The following RBFOX1 variants were observed in gnomAD, a reference collection of about 807,000 sequenced individuals.
RBFOX1 encodes the protein RNA binding fox-1 homolog 1.
Under a neutral mutation model 57.7 loss-of-function variants are expected in RBFOX1, and 8 were observed. That is an observed-to-expected ratio of 0.14 (90% confidence interval 0.08 to 0.25). The LOEUF is 0.25. Among genes scored for constraint, RBFOX1 ranks in the 10% least tolerant of loss-of-function variants. The pLI is 1.00. For synonymous variants in RBFOX1, 326 were observed against 222.4 expected (o/e 1.47, Z -4.15); for missense variants, 611 against 548.5 (o/e 1.11, Z -1.14).
At chr16:7,378,223 T>C (rs1380137662) in intron 4 of RBFOX1, among the ~76,000 whole-genome samples, 1 of 152,166 alleles carries the variant, frequency 6.6e-6, no homozygotes, top group African/African-American at 2.4e-5. Context: ...GCGATGAGTG[T>C]GTACACAAAC....
chr16:6,366,120 T>C (rs2089569520), intron 2 of RBFOX1, among the ~76,000 whole-genome samples: 1 of 151,502 alleles, frequency 6.6e-6, no homozygotes, highest in African/African-American at 2.4e-5. Flanking sequence ...TGTGTGTGTG[T>C]GTGTCTGCCT....
chr16:7,252,135 A>G (rs1360278527), intron 4 of RBFOX1, among the ~76,000 whole-genome samples: 1 of 152,218 alleles, frequency 6.6e-6, no homozygotes, highest in Non-Finnish European at 1.5e-5. Flanking sequence ...TCAGAATTGC[A>G]GGTAGAGCCT....
In RBFOX1 at chr16:6,692,987, C is replaced by T. The variant is rs149057840; in HGVS notation, c.-16+38337C>T. On this transcript the variant is annotated intron_variant, in intron 3 of 15. Coordinates refer to ENST00000550418, the MANE Select transcript of RBFOX1 (RefSeq NM_018723.4). ...CCATCACCGGCATCATTATCACCAT[C>T]GTTCTCCTCCACTACCATCACAACC... 3.3e-3 allele frequency among the ~76,000 whole-genome samples: 505 copies of T among 151,608 alleles called. 2 individuals are homozygous for T. Among genetic ancestry groups the T allele is most frequent in the Middle Eastern group, 0.024 (7 of 294 alleles).
At chr16:7,310,481 C>T (rs1212751067) in intron 4 of RBFOX1, among the ~76,000 whole-genome samples, 1 of 152,148 alleles carries the variant, frequency 6.6e-6, no homozygotes, top group Non-Finnish European at 1.5e-5. Flanking sequence ...CTGACGTTAA[C>T]TGTGGAGCAC....
At chr16:7,417,043 A>G (rs1378932433) in intron 4 of RBFOX1, among the ~76,000 whole-genome samples, 1 of 151,984 alleles carries the variant, frequency 6.6e-6, no homozygotes, top group Non-Finnish European at 1.5e-5. Flanking sequence ...TAAATGATTG[A>G]GTTCATTGTT....
intron 2 of RBFOX1, among the ~76,000 whole-genome samples, chr16:5,510,971 C>T (rs1348343129): frequency 2.0e-5 from 3 of 152,164 alleles, no homozygotes; most frequent in Admixed American, 2.0e-4. Flanking sequence ...TTGTATAATC[C>T]ACATGACTAT....
chr16:6,973,381 A>C (rs542576029), intron 3 of RBFOX1, among the ~76,000 whole-genome samples: 1 of 152,218 alleles, frequency 6.6e-6, no homozygotes, highest in East Asian at 1.9e-4. Flanking sequence ...AGATAATTCA[A>C]CTATAAGAGA....
At chr16:5,547,697 T>C (rs962500912) in intron 2 of RBFOX1, among the ~76,000 whole-genome samples, 1 of 152,112 alleles carries the variant, frequency 6.6e-6, no homozygotes, top group Non-Finnish European at 1.5e-5. Flanking sequence ...ATGTACACAA[T>C]GGAATACTAC....
At chr16:7,693,007 T>C (rs1050571677) in intron 14 of RBFOX1, among the ~76,000 whole-genome samples, 1 of 152,208 alleles carries the variant, frequency 6.6e-6, no homozygotes, top group Non-Finnish European at 1.5e-5. Context: ...TAGAAAGTCA[T>C]ATGAGCACAA....
At chr16:7,491,045 C>G (rs1056756077) in intron 4 of RBFOX1, among the ~76,000 whole-genome samples, 5 of 152,146 alleles carry the variant, frequency 3.3e-5, no homozygotes, top group Non-Finnish European at 7.3e-5. Flanking sequence ...ACTCCAGATT[C>G]TAAAGAGACA....
intron 4 of RBFOX1, among the ~76,000 whole-genome samples, chr16:7,238,547 T>C (rs1408205305): frequency 6.6e-6 from 1 of 152,180 alleles, no homozygotes; most frequent in African/African-American, 2.4e-5. Context: ...CACGCACCTT[T>C]AGGAAAGCCT....
chr16:6,955,048 C>A (rs59989429), intron 3 of RBFOX1, among the ~76,000 whole-genome samples: 1 of 147,138 alleles, frequency 6.8e-6, no homozygotes, highest in East Asian at 2.0e-4. Flanking sequence ...CTGGGCAACA[C>A]TGGGAAACCC....
chr16:7,254,599 T>C (rs1348561048), intron 4 of RBFOX1, among the ~76,000 whole-genome samples: 4 of 152,110 alleles, frequency 2.6e-5, no homozygotes, highest in Non-Finnish European at 4.4e-5. Flanking sequence ...AGGTATATAA[T>C]CCTCTCTGTT....
intron 3 of RBFOX1, among the ~76,000 whole-genome samples, chr16:6,975,287 A>T (rs979840797): frequency 6.6e-6 from 1 of 151,404 alleles, no homozygotes; most frequent in African/African-American, 2.4e-5. Context: ...TTTTTTTGAG[A>T]CAGGGTCTCA....
chr16:5,317,719 C>T (rs1262361502), intron 1 of RBFOX1, among the ~76,000 whole-genome samples: 13 of 152,166 alleles, frequency 8.5e-5, no homozygotes, highest in Non-Finnish European at 7.4e-5. Flanking sequence ...TCTTTTGTTT[C>T]TTCTCGTGAT....
At chr16:7,028,616 A>C (rs1238673716) in intron 3 of RBFOX1, among the ~76,000 whole-genome samples, 142 of 147,010 alleles carry the variant, frequency 9.7e-4, no homozygotes, top group African/African-American at 3.0e-3. Context: ...ACACAAAAAA[A>C]AAAAAAAAAA....
chr16:7,526,056 G>T (rs1192713636), intron 5 of RBFOX1, among the ~76,000 whole-genome samples: 3 of 152,166 alleles, frequency 2.0e-5, no homozygotes, highest in Non-Finnish European at 4.4e-5. Context: ...CTTTAGCTCT[G>T]CCTCCTGTCA....
At chr16:7,695,208 C>T (rs2078411890) in intron 14 of RBFOX1, among the ~76,000 whole-genome samples, 1 of 152,110 alleles carries the variant, frequency 6.6e-6, no homozygotes, top group Non-Finnish European at 1.5e-5. Context: ...TCATAAGGTT[C>T]CGTTTGAACT....
chr16:7,637,937 G>C lies in RBFOX1; in HGVS notation c.757+7254G>C, dbSNP rs550232558. ...TTAACAGAATATCAAGACAGAATAA[G>C]TTTTATTCCTTTTTCCTTTTGGAGC... On this transcript the variant is annotated intron_variant, in intron 11 of 15. Coordinates refer to ENST00000550418, the MANE Select transcript of RBFOX1 (RefSeq NM_018723.4). Among the ~76,000 whole-genome samples, 4 of 152,304 alleles carry C rather than the reference G, an allele frequency of 2.6e-5. No homozygotes were observed. In the South Asian group the frequency reaches 6.2e-4, roughly 24 times the overall value.
Sources: allele counts gnomAD v4.1 joint callset (sites outside exome capture counted in the v4.1 genomes callset), GRCh38; gene constraint gnomAD v4.1.1; transcripts MANE v1.5; gene names NCBI Gene and HGNC (gene_info 2026-07-23, HGNC 2026-07-21).